The following RANBP3 variants were observed in gnomAD, a reference collection of about 807,000 sequenced individuals.
The protein encoded by RANBP3 is RAN binding protein 3, also known as ran-binding protein 3.
RANBP3 carries 14 observed loss-of-function variants against 77.3 expected under a neutral mutation model. The observed-to-expected ratio is 0.18, with a 90% CI of 0.12 to 0.28. The LOEUF (loss-of-function observed/expected upper bound fraction) is 0.28. Ranked by LOEUF, RANBP3 falls within the 10% of genes least tolerant of loss-of-function variation. RANBP3 has a pLI of 1.00. For missense variants in RANBP3, 586 were observed against 752.3 expected, an observed-to-expected ratio of 0.78 and a Z score of 2.59; for synonymous variants, 315 against 312.4, an observed-to-expected ratio of 1.01 and a Z score of -0.09.
intron 3 of RANBP3, among the ~76,000 whole-genome samples, chr19:5,943,935 G>A (rs2058170817): frequency 6.6e-6 from 1 of 152,242 alleles, no homozygotes; most frequent in Non-Finnish European, 1.5e-5. Context: ...CACGAGGGGT[G>A]CAGAGGCTGC....
At chr19:5,963,347 T>A (rs1334588289) in intron 1 of RANBP3, among the ~76,000 whole-genome samples, 3 of 151,674 alleles carry the variant, frequency 2.0e-5, no homozygotes, top group Non-Finnish European at 4.4e-5. Context: ...AGCCCAGGAG[T>A]TGAAGACCTG....
chr19:5,947,397 T>C (rs369215326), intron 3 of RANBP3, among the ~76,000 whole-genome samples: 13 of 151,626 alleles, frequency 8.6e-5, no homozygotes, highest in African/African-American at 3.1e-4. Flanking sequence ...TCGAGCTTAG[T>C]GGGGAGGAGC....
At chr19:5,963,589 C>T (rs8102722) in intron 1 of RANBP3, among the ~76,000 whole-genome samples, 4,109 of 152,274 alleles carry the variant, frequency 0.027, 190 homozygotes, top group African/African-American at 0.095. Context: ...TTTGACCAGA[C>T]GCTTCTCAAA....
intron 3 of RANBP3, among the ~76,000 whole-genome samples, chr19:5,946,640 G>A (rs538652576): frequency 6.6e-6 from 1 of 152,254 alleles, no homozygotes; most frequent in South Asian, 2.1e-4. Context: ...CGCTGGCCAC[G>A]TGAGGTGCCG....
intron 1 of RANBP3, 131 bp downstream of exon 1, chr19:5,977,930 C>T: frequency 8.1e-7 from 1 of 1,232,002 alleles, no homozygotes; most frequent in Non-Finnish European, 1.1e-6. Flanking sequence ...CTGCAAGGCC[C>T]GCCACGGCGC....
intron 5 of RANBP3, among the ~76,000 whole-genome samples, chr19:5,941,026 A>C (rs2058129069): frequency 6.6e-6 from 1 of 152,202 alleles, no homozygotes; most frequent in East Asian, 1.9e-4. Context: ...AGGGCCTTCA[A>C]GCCCTTTAGC....
chr19:5,937,361 C>T (rs2058080783), intron 5 of RANBP3, among the ~76,000 whole-genome samples: 1 of 152,142 alleles, frequency 6.6e-6, no homozygotes, highest in South Asian at 2.1e-4. Context: ...AGATGCCACA[C>T]CTGGGTCTCA....
intron 1 of RANBP3, among the ~76,000 whole-genome samples, chr19:5,964,296 T>C (rs1460255954): frequency 6.6e-6 from 1 of 152,154 alleles, no homozygotes; most frequent in East Asian, 1.9e-4. Flanking sequence ...GGGAACCCCT[T>C]AGACCTGCTT....
chr19:5,950,006 G>C (rs1356842221), intron 3 of RANBP3, among the ~76,000 whole-genome samples: 3 of 152,120 alleles, frequency 2.0e-5, no homozygotes, highest in South Asian at 2.1e-4. Context: ...AAGGCCTCTG[G>C]GGGGGACCCT....
At chr19:5,932,630 T>G in intron 6 of RANBP3, 86 bp from the exon 7 acceptor site, 1 of 1,051,170 alleles carries the variant, frequency 9.5e-7, no homozygotes, top group Non-Finnish European at 1.4e-6. Context: ...GCATCCCATT[T>G]CATGCCCCTT....
chr19:5,923,589 G>A (rs763574365), intron 12 of RANBP3, among the ~76,000 whole-genome samples: 10 of 152,278 alleles, frequency 6.6e-5, no homozygotes, highest in Non-Finnish European at 1.2e-4. Context: ...TGCTGCCTGC[G>A]CCTCCCCACC....
intron 3 of RANBP3, among the ~76,000 whole-genome samples, chr19:5,949,796 G>A (rs562007461): frequency 5.9e-5 from 9 of 152,150 alleles, no homozygotes; most frequent in Non-Finnish European, 1.3e-4. Flanking sequence ...TGTGGACGAG[G>A]TGAGGCCCCT....
chr19:5,968,155 CGG>C (rs2058490360), intron 1 of RANBP3, among the ~76,000 whole-genome samples: 1 of 152,210 alleles, frequency 6.6e-6, no homozygotes. Flanking sequence ...GCTGAAGACT[CGG>C]GAAAGTTCCA....
chr19:5,964,174 G>A (rs893815462), intron 1 of RANBP3, among the ~76,000 whole-genome samples: 7 of 152,190 alleles, frequency 4.6e-5, no homozygotes, highest in African/African-American at 7.2e-5. Context: ...CGGTGTCCTG[G>A]TCCTGGTCTT....
rs1162508943 is a variant in RANBP3 at position 5,921,295 on chromosome 19, G to A, written c.1236C>T (p.Asp412=). ...TCTCCACCCAGGACTGTGAGGTCTT[G>A]TCAAAGACAAACAGCTTGCACTGCA... ...LQMQCKLFVF[D]KTSQSWVERG... The change falls in exon 14 of 17, where the codon GAC becomes GAT. Residue 412 remains aspartate (D), a synonymous_variant. Coordinates refer to ENST00000340578, the MANE Select transcript of RANBP3 (RefSeq NM_007322.3). This position sits in a 1 kb window ranked among gnomAD's most constrained non-coding sequence, Gnocchi z 5.3. The A allele has an allele frequency of 6.2e-7, 1 of 1,613,772 alleles. No homozygotes were observed. The highest frequency in any genetic ancestry group is 8.5e-7 in the Non-Finnish European group (1 of 1,179,910).
chr19:5,951,739 C>G, intron 2 of RANBP3, 143 bp from the exon 3 acceptor site: 1 of 755,014 alleles, frequency 1.3e-6, no homozygotes, highest in Non-Finnish European at 2.2e-6. Flanking sequence ...AGAGCAGGCA[C>G]CTGCTTCTGG....
intron 3 of RANBP3, among the ~76,000 whole-genome samples, chr19:5,946,419 C>A (rs1259625810): frequency 6.6e-6 from 1 of 152,166 alleles, no homozygotes; most frequent in Non-Finnish European, 1.5e-5. Context: ...ACCCTCAAAT[C>A]CGTGCCCCAA....
chr19:5,936,364 G>GA (rs1278181143), intron 5 of RANBP3, among the ~76,000 whole-genome samples: 2 of 152,346 alleles, frequency 1.3e-5, no homozygotes, highest in African/African-American at 4.8e-5. Context: ...CAGGCAGGCA[G>GA]AAAGTAAGAG....
Position 5,941,492 on chromosome 19 carries a change from C to G in RANBP3, c.406+129G>C, listed in dbSNP as rs562845058. The G allele has an allele frequency of 2.5e-4, 204 of 810,986 alleles. No individual in the cohort carries two copies. The African/African-American group carries it at 3.3e-3, about 13-fold the overall frequency. The allele number at this position is 810,986 out of a possible 1,614,324, so 50.2% of individuals were successfully genotyped here. ...GCTCTCACCTCACTCCTGACAGAGC[C>G]CGAGCCTCAGATCGACTCTAACCGG... On this transcript the variant is annotated intron_variant, in intron 5 of 16. Transcript: ENST00000340578.
Sources: gnomAD v4.1 joint callset for allele counts (sites outside exome capture counted in the v4.1 genomes callset) on GRCh38, gnomAD v4.1.1 for gene constraint, Gnocchi (gnomAD v3.1) non-coding constraint, MANE v1.5 for transcripts, NCBI Gene and HGNC (gene_info 2026-07-23, HGNC 2026-07-21) for gene names.